The following CTNNA2 variants were observed in gnomAD, a reference collection of about 807,000 sequenced individuals.
CTNNA2 encodes catenin alpha-2.
CTNNA2 carries 42 observed loss-of-function variants against 101.0 expected under a neutral mutation model. That is an observed-to-expected ratio of 0.42 (90% CI 0.32 to 0.54). The LOEUF (loss-of-function observed/expected upper bound fraction) is 0.54. CTNNA2 is among the 20% of genes least tolerant of loss of function. The probability of loss-of-function intolerance (pLI) is 0.14; values close to 1 mark genes in which losing one functional copy is unlikely to be tolerated. For missense variants in CTNNA2, 871 were observed against 1,223.1 expected, an observed-to-expected ratio of 0.71 and a Z score of 4.29; for synonymous variants, 450 against 456.4, an observed-to-expected ratio of 0.99 and a Z score of 0.18.
chr2:79,376,094 T>C (rs754736836), intron 4 of CTNNA2, among the ~76,000 whole-genome samples: 20 of 152,238 alleles, frequency 1.3e-4, no homozygotes, highest in Non-Finnish European at 2.1e-4. Flanking sequence ...GAAAGCTGCA[T>C]GTAGAAGGAC....
chr2:80,483,392 A>G (rs1200358201), intron 9 of CTNNA2, among the ~76,000 whole-genome samples: 1 of 145,874 alleles, frequency 6.9e-6, no homozygotes, highest in Admixed American at 7.0e-5. Context: ...ATATATTTAC[A>G]TATGTATATA....
At chr2:79,304,721 A>C (rs1676192766) in intron 2 of CTNNA2, among the ~76,000 whole-genome samples, 2 of 152,216 alleles carry the variant, frequency 1.3e-5, no homozygotes, top group African/African-American at 4.8e-5. Flanking sequence ...AAGATGAAAA[A>C]TTGAGCAAAG....
intron 3 of CTNNA2, among the ~76,000 whole-genome samples, chr2:79,781,057 AAAAGT>A (rs1261912594): frequency 3.3e-5 from 5 of 152,210 alleles, no homozygotes; most frequent in African/African-American, 1.2e-4. Context: ...AGTTTATTAG[AAAAGT>A]AAAGGAATAA....
At chr2:79,703,334 C>T (rs60505174) in intron 2 of CTNNA2, among the ~76,000 whole-genome samples, 8,157 of 151,720 alleles carry the variant, frequency 0.054, 767 homozygotes, top group African/African-American at 0.19. Context: ...GTTTTTTTTC[C>T]CCAAACTTGG....
intron 8 of CTNNA2, among the ~76,000 whole-genome samples, chr2:80,398,713 A>T (rs1394841987): frequency 2.0e-5 from 3 of 150,150 alleles, no homozygotes; most frequent in Non-Finnish European, 4.4e-5. Context: ...AAAAAAAAAA[A>T]AAAATTCACC....
At chr2:79,530,031 C>T (rs1037897678) in intron 1 of CTNNA2, among the ~76,000 whole-genome samples, 1 of 152,020 alleles carries the variant, frequency 6.6e-6, no homozygotes, top group Admixed American at 6.6e-5. Flanking sequence ...CTGGTCAGAT[C>T]AGCAGCTAAA....
At chr2:79,679,157 C>T (rs1007205859) in intron 2 of CTNNA2, among the ~76,000 whole-genome samples, 13 of 152,198 alleles carry the variant, frequency 8.5e-5, no homozygotes, top group African/African-American at 3.1e-4. Flanking sequence ...AGAGCATTCA[C>T]TGTAATTTAG....
At chr2:80,584,785 A>C (rs952198743) in intron 14 of CTNNA2, among the ~76,000 whole-genome samples, 1 of 152,112 alleles carries the variant, frequency 6.6e-6, no homozygotes, top group Non-Finnish European at 1.5e-5. Context: ...TTATCATATA[A>C]ATATGTAATA....
chr2:79,440,609 C>G (rs1026323652), intron 4 of CTNNA2, among the ~76,000 whole-genome samples: 14 of 152,152 alleles, frequency 9.2e-5, no homozygotes, highest in African/African-American at 3.4e-4. Flanking sequence ...CCTGGCAACT[C>G]AGTAACAGCC....
intron 3 of CTNNA2, among the ~76,000 whole-genome samples, chr2:79,798,377 A>T (rs1411179551): frequency 2.0e-5 from 3 of 152,168 alleles, no homozygotes. Context: ...TCCAATCCTC[A>T]TGGATCTCCA....
intron 7 of CTNNA2, among the ~76,000 whole-genome samples, chr2:80,209,561 A>C (rs927841280): frequency 6.6e-6 from 1 of 152,034 alleles, no homozygotes; most frequent in African/African-American, 2.4e-5. Context: ...TCATTCTCTT[A>C]TGAACATTTT....
At chr2:80,577,480 T>G (rs1231371729) in intron 13 of CTNNA2, among the ~76,000 whole-genome samples, 1 of 152,116 alleles carries the variant, frequency 6.6e-6, no homozygotes, top group Non-Finnish European at 1.5e-5. Context: ...AGGACCTTAT[T>G]GAATGAGTTG....
chr2:79,593,459 G>T (rs2104001398), intron 1 of CTNNA2, among the ~76,000 whole-genome samples: 1 of 152,198 alleles, frequency 6.6e-6, no homozygotes, highest in South Asian at 2.1e-4. Context: ...GTAGTATCTT[G>T]CTCTGACCAC....
chr2:79,651,759 A>C (rs1681270219), intron 2 of CTNNA2, 101 bp downstream of exon 2: 4 of 961,730 alleles, frequency 4.2e-6, no homozygotes, highest in Non-Finnish European at 6.5e-6. Context: ...AGAATAAATC[A>C]TGCCATGATT....
intron 9 of CTNNA2, among the ~76,000 whole-genome samples, chr2:80,539,171 C>T (rs547287068): frequency 6.6e-6 from 1 of 152,074 alleles, no homozygotes; most frequent in East Asian, 1.9e-4. Flanking sequence ...TTTTAACTGT[C>T]TTATCAGGAA....
At chr2:80,317,190 T>A (rs1678212056) in intron 7 of CTNNA2, among the ~76,000 whole-genome samples, 1 of 152,160 alleles carries the variant, frequency 6.6e-6, no homozygotes, top group East Asian at 1.9e-4. Context: ...AAGGAGGATT[T>A]TGAACACAGG....
intron 9 of CTNNA2, among the ~76,000 whole-genome samples, chr2:80,523,227 G>C (rs1224094114): frequency 2.6e-5 from 4 of 152,160 alleles, no homozygotes; most frequent in African/African-American, 4.8e-5. Flanking sequence ...GCCTCAGTGG[G>C]AGAGCAGAAT....
At chr2:80,173,731 G>T (rs777948378) in intron 7 of CTNNA2, among the ~76,000 whole-genome samples, 5 of 152,120 alleles carry the variant, frequency 3.3e-5, no homozygotes, top group Non-Finnish European at 5.9e-5. Context: ...TGCCTGTCAA[G>T]GGAAGGCCTA....
chr2:79,650,917 G>A (rs191940291), intron 1 of CTNNA2, among the ~76,000 whole-genome samples: 5 of 151,404 alleles, frequency 3.3e-5, no homozygotes, highest in African/African-American at 1.2e-4. Flanking sequence ...ATAGTTTACT[G>A]AGAATGATGA....
Sources: gnomAD v4.1 joint callset for allele counts (sites outside exome capture counted in the v4.1 genomes callset) on GRCh38, gnomAD v4.1.1 for gene constraint, MANE v1.5 for transcripts, NCBI Gene and HGNC (gene_info 2026-07-23, HGNC 2026-07-21) for gene names.